Variants in CRIP2 observed in about 807,000 individuals in gnomAD.
CRIP2 encodes the protein cysteine-rich protein 2.
A neutral mutation model predicts 31.3 loss-of-function variants in CRIP2; 31 were observed. The observed-to-expected ratio is 0.99, with a 90% CI of 0.74 to 1.34. The LOEUF is 1.34. Ranked by LOEUF, CRIP2 falls within the 40% of genes most tolerant of loss-of-function variation. The pLI is 0.00. For synonymous variants in CRIP2, 177 were observed against 127.2 expected, an observed-to-expected ratio of 1.39 and a Z score of -2.63; for missense variants, 389 against 301.6, an observed-to-expected ratio of 1.29 and a Z score of -2.15.
Position 105,479,950 on chromosome 14 carries a change from G to GTCCGCTC in CRIP2, c.*301_*307dup, listed in dbSNP as rs1162485195. ...CGACCCTGCGTGTCCCCGTGGCGCT[G>GTCCGCTC]TCCGCTCTCCCTCTCCTGCTGCCCA... On this transcript the variant is annotated 3_prime_UTR_variant, in exon 8 of 8. Coordinates refer to ENST00000329146, the MANE Select transcript of CRIP2 (RefSeq NM_001312.4). The GTCCGCTC allele has an allele frequency of 4.4e-6, 2 of 456,856 alleles. No homozygotes were observed. The highest frequency in any genetic ancestry group is 8.0e-6 in the Non-Finnish European group (2 of 248,946). 28.3% of individuals were successfully genotyped at this position (456,856 alleles called of 1,614,324 possible). A position where few individuals can be genotyped will look rare whatever the true frequency, so the allele number is the denominator to read the frequency against.
chr14:105,478,370 A>G lies in CRIP2; in HGVS notation c.138+10A>G, dbSNP rs1555436368. ...CGGGGGCCACGCCGAGGTGAGCCCC[A>G]CTGCGCGGCGCGGGCGGGGGCGGGG... On this transcript the variant is annotated intron_variant, in intron 2 of 7. Transcript: ENST00000329146. This position sits in a 1 kb window ranked among gnomAD's most constrained non-coding sequence, Gnocchi z 4.9. 1 of 1,576,582 alleles carries G rather than the reference A, an allele frequency of 6.3e-7. No individual in the cohort carries two copies. The highest frequency in any genetic ancestry group is 8.6e-7 in the Non-Finnish European group (1 of 1,162,986).
Position 105,480,061 on chromosome 14 carries a change from T to A in CRIP2, c.*408T>A, listed in dbSNP as rs1435545382. ...CCTGGCAGAGGGCTTCCCTCCGGGATCCCCTGCCTGGTGCCCACACTGCCT... is the reference window on the plus strand; with the variant it reads ...CCTGGCAGAGGGCTTCCCTCCGGGAACCCCTGCCTGGTGCCCACACTGCCT... On this transcript the variant is annotated 3_prime_UTR_variant, in exon 8 of 8. Transcript: ENST00000329146. The A allele has an allele frequency of 1.4e-5, 3 of 209,814 alleles. No homozygotes were observed. The highest frequency in any genetic ancestry group is 6.9e-5 in the African/African-American group (3 of 43,228). The allele number at this position is 209,814 out of a possible 1,614,324, so 13.0% of individuals were successfully genotyped here. A position where few individuals can be genotyped will look rare whatever the true frequency, so the allele number is the denominator to read the frequency against.
chr14:105,478,398 C>CG lies in CRIP2; in HGVS notation c.138+39dup. 5 of 1,571,722 alleles carry CG rather than the reference C, an allele frequency of 3.2e-6. No homozygotes were observed. Among genetic ancestry groups the CG allele is most frequent in the Middle Eastern group, 1.8e-4 (1 of 5,622 alleles). On this transcript the variant is annotated intron_variant, in intron 2 of 7. Coordinates refer to ENST00000329146, the MANE Select transcript of CRIP2 (RefSeq NM_001312.4). This position sits in a 1 kb window ranked among gnomAD's most constrained non-coding sequence, Gnocchi z 4.9. ...GCGCGGCGCGGGCGGGGGCGGGGGT[C>CG]GCGACTCCCGCCACCCTCAGGCAGG...
upstream of CRIP2, chr14:105,473,422 G>A (rs587725843): frequency 1.1e-5 from 17 of 1,535,736 alleles, no homozygotes; most frequent in Middle Eastern, 6.7e-4. Flanking sequence ...CTGCCACAGA[G>A]AGCCCAGCCA....
upstream of CRIP2, among the ~76,000 whole-genome samples, chr14:105,473,867 T>C (rs1394222949): frequency 2.0e-5 from 3 of 152,080 alleles, no homozygotes; most frequent in Non-Finnish European, 2.9e-5. Flanking sequence ...GGTCAGGCCC[T>C]GGGCCCCCAG....
Position 105,479,507 on chromosome 14 carries a change from G to A in CRIP2, c.559+14G>A, listed in dbSNP as rs1203693934. The A allele has an allele frequency of 4.3e-6, 7 of 1,612,754 alleles. No individual in the cohort carries two copies. The highest frequency in any genetic ancestry group is 3.3e-5 in the Admixed American group (2 of 59,988). On this transcript the variant is annotated intron_variant, in intron 7 of 7. Coordinates refer to ENST00000329146, the MANE Select transcript of CRIP2 (RefSeq NM_001312.4). ...TCGGACCCAAGGGTGAGTGTAGCCAGGGTGGTCCACGATGTCTTCCCTGCC... is the reference window on the plus strand; with the variant it reads ...TCGGACCCAAGGGTGAGTGTAGCCAAGGTGGTCCACGATGTCTTCCCTGCC...
Position 105,480,118 on chromosome 14 carries a change from C to A in CRIP2, c.*465C>A. Reference sequence around the variant, plus strand: ...CGCTCGCCACCCTCACGTGGCTCACCTGCTGTTGAGCCTTGTGCTGTCAAT... The same window carrying A: ...CGCTCGCCACCCTCACGTGGCTCACATGCTGTTGAGCCTTGTGCTGTCAAT... On this transcript the variant is annotated 3_prime_UTR_variant, in exon 8 of 8. Coordinates refer to ENST00000329146, the MANE Select transcript of CRIP2 (RefSeq NM_001312.4). 5.0e-6 allele frequency: 1 copy of A among 201,874 alleles called. No homozygotes were observed. The highest frequency in any genetic ancestry group is 5.4e-5 in the Admixed American group (1 of 18,566). The allele number at this position is 201,874 out of a possible 1,614,324, so 12.5% of individuals were successfully genotyped here.
chr14:105,477,676 TGTGG>T (rs2083964189), intron 1 of CRIP2: 1 of 893,454 alleles, frequency 1.1e-6, no homozygotes, highest in Non-Finnish European at 1.4e-6. Flanking sequence ...GAGGCAGGTG[TGTGG>T]GGGGAAGCGG....
At position 105,478,731 on chromosome 14, in the gene CRIP2, G is replaced by T; in HGVS notation, c.197G>T (p.Gly66Val). ...CCGCCCCACGTACCCCCACCCGCAG[G>T]CGTGAACATCGGGGGCGCGGGCTCC... is the stretch of plus-strand genomic sequence containing the variant. The part of the protein sequence containing the change: ...PCYATLFGPK[G>V]VNIGGAGSYI... The change falls in exon 4 of 8, where the codon GGC (glycine) becomes GTC (valine). Residue 66 changes from glycine (G) to valine (V), a missense_variant and splice_region_variant. Physicochemically the swap from Gly to Val is moderately radical, Grantham distance 109 (BLOSUM62 -3). Coordinates refer to ENST00000329146, the MANE Select transcript of CRIP2 (RefSeq NM_001312.4). The surrounding 1 kb of genome is among the most constrained non-coding windows in gnomAD (Gnocchi z 4.9). 2 of 1,433,186 alleles carry T rather than the reference G, an allele frequency of 1.4e-6. No individual in the cohort carries two copies. The highest frequency in any genetic ancestry group is 2.8e-5 in the Admixed American group (1 of 35,214). 88.8% of individuals were successfully genotyped at this position (1,433,186 alleles called of 1,614,324 possible).
rs1555436527 is a variant in CRIP2 at position 105,478,817 on chromosome 14, G to A, written c.283G>A (p.Ala95Thr). 3.5e-6 allele frequency: 5 copies of A among 1,430,178 alleles called. No individual in the cohort carries two copies. The highest frequency in any genetic ancestry group is 4.5e-6 in the Non-Finnish European group (5 of 1,101,156). 88.6% of individuals were successfully genotyped at this position (1,430,178 alleles called of 1,614,324 possible). Residue 95 changes from alanine to threonine, a missense_variant, in exon 4 of 8, where the codon GCG becomes ACG. Ala to Thr is a moderately conservative substitution (Grantham distance 58). Transcript: ENST00000329146. This position sits in a 1 kb window ranked among gnomAD's most constrained non-coding sequence, Gnocchi z 4.9. ...GGTCACCGGCCCCATCGAGGTCCCC[G>A]CGGCCCGAGCAGAGGAGCGGAAGGC... The part of the protein sequence containing the change: ...PQVTGPIEVP[A>T]ARAEERKASG...
upstream of CRIP2, chr14:105,474,738 C>A: frequency 9.6e-7 from 1 of 1,042,466 alleles, no homozygotes; most frequent in African/African-American, 1.7e-5. The surrounding 1 kb of genome is among the most constrained non-coding windows in gnomAD (Gnocchi z 5.1). Context: ...GACGGGTTAT[C>A]GAGGCCCCGC....
In CRIP2 at chr14:105,479,062, G is replaced by C. The variant is rs587656582; in HGVS notation, c.406+15G>C. The C allele has an allele frequency of 3.6e-5, 57 of 1,566,460 alleles. No individual in the cohort carries two copies. In the East Asian group the frequency reaches 1.1e-3, roughly 31 times the overall value. ...GGTGTACTTCGGTGAGTGCGCGCCC[G>C]GGCCCCGGACCCCCGCCCCCGCCCC... On this transcript the variant is annotated intron_variant, in intron 5 of 7. Coordinates refer to ENST00000329146, the MANE Select transcript of CRIP2 (RefSeq NM_001312.4).
Position 105,479,713 on chromosome 14 carries a change from T to C in CRIP2, c.*60T>C, listed in dbSNP as rs782550854. 50 of 1,540,082 alleles carry C rather than the reference T, an allele frequency of 3.2e-5. No individual in the cohort carries two copies. The highest frequency in any genetic ancestry group is 4.2e-5 in the Non-Finnish European group (48 of 1,136,472). On this transcript the variant is annotated 3_prime_UTR_variant, in exon 8 of 8. Coordinates refer to ENST00000329146, the MANE Select transcript of CRIP2 (RefSeq NM_001312.4). ...GCCCCAGACCCTGCAGGGGCCCCCCTGCTTGGCTCTGCTGGGAGAGTGCTC... is the reference window on the plus strand; with the variant it reads ...GCCCCAGACCCTGCAGGGGCCCCCCCGCTTGGCTCTGCTGGGAGAGTGCTC...
chr14:105,478,673 G>A lies in CRIP2; in HGVS notation c.197-58G>A. On this transcript the variant is annotated intron_variant, in intron 3 of 7. Coordinates refer to ENST00000329146, the MANE Select transcript of CRIP2 (RefSeq NM_001312.4). The surrounding 1 kb of genome is among the most constrained non-coding windows in gnomAD (Gnocchi z 4.9). ...TCCCCAGCGGGCCGTTTTCTGAGAT[G>A]CCCGGTGGCCGCGGCCCCCACCCCA... 6.9e-7 allele frequency: 1 copy of A among 1,452,240 alleles called. No individual in the cohort carries two copies. Among genetic ancestry groups the A allele is most frequent in the Non-Finnish European group, 9.1e-7 (1 of 1,104,448 alleles). The allele number at this position is 1,452,240 out of a possible 1,614,324, so 90.0% of individuals were successfully genotyped here.
chr14:105,479,419 C>G lies in CRIP2; in HGVS notation c.502-17C>G, dbSNP rs782391580. Reference sequence around the variant, plus strand: ...GAGTCTGTGGACTCCTCCCTCAGCACCCACCTTCTGCCCCAGCACGACGGC... The same window carrying G: ...GAGTCTGTGGACTCCTCCCTCAGCAGCCACCTTCTGCCCCAGCACGACGGC... On this transcript the variant is annotated splice_polypyrimidine_tract_variant and intron_variant, in intron 6 of 7. Coordinates refer to ENST00000329146, the MANE Select transcript of CRIP2 (RefSeq NM_001312.4). 6.8e-6 allele frequency: 11 copies of G among 1,612,532 alleles called. No individual in the cohort carries two copies. The highest frequency in any genetic ancestry group is 9.3e-6 in the Non-Finnish European group (11 of 1,179,926).
chr14:105,479,414 C>T (rs1555436826), intron 6 of CRIP2, 22 bp from the exon 7 acceptor site: 3 of 1,612,476 alleles, frequency 1.9e-6, no homozygotes, highest in Non-Finnish European at 1.7e-6. Context: ...ACTCCTCCCT[C>T]AGCACCCACC....
rs1296992953 is a variant in CRIP2 at position 105,478,855 on chromosome 14, G to A, written c.321G>A (p.Pro107=). 10 of 1,427,146 alleles carry A rather than the reference G, an allele frequency of 7.0e-6. No individual in the cohort carries two copies. In the South Asian group the frequency reaches 1.5e-4, roughly 21 times the overall value. The allele number at this position is 1,427,146 out of a possible 1,614,324, so 88.4% of individuals were successfully genotyped here. A position where few individuals can be genotyped will look rare whatever the true frequency, so the allele number is the denominator to read the frequency against. Residue 107 remains proline (P), a synonymous_variant, in exon 4 of 8, where the codon CCG becomes CCA. Transcript: ENST00000329146. This position sits in a 1 kb window ranked among gnomAD's most constrained non-coding sequence, Gnocchi z 4.9. The part of the protein sequence containing the change: ...RAEERKASGP[P]KGPSRASSVT... ...AGGAGCGGAAGGCGAGCGGCCCCCCGAAGGGGCCCAGCAGAGGTGGGCTGG... is the reference window on the plus strand; with the variant it reads ...AGGAGCGGAAGGCGAGCGGCCCCCCAAAGGGGCCCAGCAGAGGTGGGCTGG...
chr14:105,478,270 G>T lies in CRIP2; in HGVS notation c.48G>T (p.Glu16Asp). Residue 16 changes from glutamate (E) to aspartate (D), a missense_variant, in exon 2 of 8, where the codon GAG (glutamate) becomes GAT (aspartate). Transcript: ENST00000329146. The surrounding 1 kb of genome is among the most constrained non-coding windows in gnomAD (Gnocchi z 4.9). ...PKCDKTVYFA[E>D]KVSSLGKDWH... is the part of the protein sequence containing the mutation. ...CCTGCCGCCCCTCCCGCTCAGCCGAGAAGGTGAGCTCCCTGGGGAAGGACT... is the reference window on the plus strand; with the variant it reads ...CCTGCCGCCCCTCCCGCTCAGCCGATAAGGTGAGCTCCCTGGGGAAGGACT... 1 of 1,554,952 alleles carries T rather than the reference G, an allele frequency of 6.4e-7. No homozygotes were observed. Among genetic ancestry groups the T allele is most frequent in the Non-Finnish European group, 8.7e-7 (1 of 1,152,832 alleles).
upstream of CRIP2, chr14:105,473,062 TAGCA>T: frequency 2.1e-6 from 1 of 466,092 alleles, no homozygotes; most frequent in Non-Finnish European, 3.8e-6. Context: ...GCCCCACAGG[TAGCA>T]AAGTCAGGGA....
Sources: allele counts gnomAD v4.1 joint callset (sites outside exome capture counted in the v4.1 genomes callset), GRCh38; gene constraint gnomAD v4.1.1; non-coding constraint Gnocchi (gnomAD v3.1); transcripts MANE v1.5; gene names NCBI Gene and HGNC (gene_info 2026-07-23, HGNC 2026-07-21).